CNTNAP3B: variants seen among roughly 807,000 people sequenced by gnomAD.
CNTNAP3B encodes contactin associated protein family member 3B.
In CNTNAP3B, 25 loss-of-function variants were observed where a neutral mutation model predicts 108.9. The observed-to-expected ratio is 0.23, with a 90% CI of 0.17 to 0.32. CNTNAP3B has a LOEUF of 0.32. Among genes scored for constraint, CNTNAP3B ranks in the 10% least tolerant of loss-of-function variants. The probability of loss-of-function intolerance (pLI) is 1.00; values close to 1 mark genes in which losing one functional copy is unlikely to be tolerated. For synonymous variants in CNTNAP3B, 103 were observed against 473.4 expected (o/e 0.22, Z 10.16); for missense variants, 252 against 1,210.4 (o/e 0.21, Z 11.75).
chr9:41,965,702 C>G (rs1331179448), intron 10 of CNTNAP3B, among the ~76,000 whole-genome samples: 1 of 152,096 alleles, frequency 6.6e-6, no homozygotes, highest in African/African-American at 2.4e-5. Flanking sequence ...GTGCCCCTCA[C>G]CATGGGACCC....
chr9:41,965,164 T>A (rs1181469177), intron 10 of CNTNAP3B, among the ~76,000 whole-genome samples: 1 of 152,298 alleles, frequency 6.6e-6, no homozygotes, highest in Middle Eastern at 3.2e-3. Context: ...TTTTAAGCAA[T>A]CTTAACACTG....
chr9:42,026,786 C>T (rs1479682095), intron 3 of CNTNAP3B, among the ~76,000 whole-genome samples: 1 of 136,602 alleles, frequency 7.3e-6, no homozygotes, highest in Non-Finnish European at 1.6e-5. Context: ...CTGTATTACA[C>T]ATTTTGCTCA....
At chr9:41,928,329 C>T (rs1169502243) in intron 15 of CNTNAP3B, among the ~76,000 whole-genome samples, 17 of 152,014 alleles carry the variant, frequency 1.1e-4, no homozygotes, top group Non-Finnish European at 2.4e-4. Context: ...ATCCATTGGC[C>T]CAGGTGGATG....
intron 10 of CNTNAP3B, among the ~76,000 whole-genome samples, chr9:41,967,729 T>C (rs1445290286): frequency 6.6e-6 from 1 of 152,286 alleles, no homozygotes; most frequent in Non-Finnish European, 1.5e-5. Flanking sequence ...ATTTTATTGC[T>C]TTATAAAATT....
chr9:42,127,554 C>T (rs1326729570), intron 1 of CNTNAP3B, among the ~76,000 whole-genome samples: 2 of 139,404 alleles, frequency 1.4e-5, no homozygotes, highest in East Asian at 4.3e-4. Flanking sequence ...CTCTAGCATG[C>T]CTTTCTATAA....
At position 42,108,167 on chromosome 9, in the gene CNTNAP3B, G is replaced by A. The variant is rs573106784; in HGVS notation, c.86-3428C>T. ...GTGGGCACCCCACAAGTGTTACAGG[G>A]GCTGGATCTCCCTCTTCCTCAGCTT... On this transcript the variant is annotated intron_variant, in intron 1 of 23. Transcript: ENST00000377561. Among the ~76,000 whole-genome samples, 9 of 137,106 alleles carry A rather than the reference G, an allele frequency of 6.6e-5. 2 individuals carry two copies. The highest frequency in any genetic ancestry group is 2.0e-4 in the African/African-American group (7 of 34,338). The allele number at this position is 137,106 out of a possible 152,430, so 89.9% of individuals were successfully genotyped here. A position where few individuals can be genotyped will look rare whatever the true frequency, so the allele number is the denominator to read the frequency against.
intron 1 of CNTNAP3B, among the ~76,000 whole-genome samples, chr9:42,113,928 T>C (rs1587282497): frequency 7.3e-6 from 1 of 137,628 alleles, no homozygotes; most frequent in African/African-American, 2.9e-5. Flanking sequence ...ACACCTACTA[T>C]GCAACCACAA....
chr9:42,002,552 T>C (rs1587192147), intron 4 of CNTNAP3B, among the ~76,000 whole-genome samples: 1 of 105,860 alleles, frequency 9.4e-6, no homozygotes, highest in South Asian at 3.0e-4. Flanking sequence ...GAAGTAATTT[T>C]GCTAAAATGT....
At chr9:42,059,985 T>A (rs538328665) in intron 3 of CNTNAP3B, among the ~76,000 whole-genome samples, 1 of 151,072 alleles carries the variant, frequency 6.6e-6, no homozygotes, top group Non-Finnish European at 1.5e-5. Context: ...ACAATTTAAA[T>A]TCTGTTTTCT....
rs554190060 is a variant in CNTNAP3B, at chr9:42,075,401, C to G, written c.390+1468G>C. Among the ~76,000 whole-genome samples the G allele has an allele frequency of 5.6e-4, 72 of 129,124 alleles. 2 individuals are homozygous for G. The highest frequency in any genetic ancestry group is 1.3e-3 in the East Asian group (5 of 3,968). 84.7% of individuals were successfully genotyped at this position (129,124 alleles called of 152,430 possible). A position where few individuals can be genotyped will look rare whatever the true frequency, so the allele number is the denominator to read the frequency against. On this transcript the variant is annotated intron_variant, in intron 3 of 23. Coordinates refer to ENST00000377561, the MANE Select transcript of CNTNAP3B (RefSeq NM_001201380.3). ...TTTGAAAGGAAGCTCACACTGTGAG[C>G]GGGCACCAGGAAAGTAAATCACTTG...
intron 1 of CNTNAP3B, among the ~76,000 whole-genome samples, chr9:42,113,908 A>G (rs1424669529): frequency 1.4e-5 from 2 of 139,002 alleles, no homozygotes; most frequent in East Asian, 2.2e-4. Context: ...CATGTAGACC[A>G]TCGATATATA....
intron 9 of CNTNAP3B, among the ~76,000 whole-genome samples, chr9:41,977,764 C>A (rs1355367386): frequency 1.7e-5 from 2 of 119,566 alleles, no homozygotes; most frequent in African/African-American, 6.9e-5. Flanking sequence ...GGACTACAGG[C>A]GCCCACCACC....
At chr9:41,941,823 G>A (rs1444607053) in intron 13 of CNTNAP3B, among the ~76,000 whole-genome samples, 3 of 151,264 alleles carry the variant, frequency 2.0e-5, no homozygotes, top group African/African-American at 7.3e-5. Flanking sequence ...CTCCTAGAGT[G>A]GGGGATACGC....
chr9:41,943,487 G>T (rs1456769538), intron 13 of CNTNAP3B, among the ~76,000 whole-genome samples: 2 of 151,858 alleles, frequency 1.3e-5, no homozygotes, highest in African/African-American at 2.4e-5. Flanking sequence ...CGAGTAGCTG[G>T]GACTACAGGC....
In CNTNAP3B at chr9:41,929,245, G is replaced by A; in HGVS notation, c.2365+72C>T. ...ACTATTCTCTTTCTGGCAAGAACAAGGGCATTTGTCTACCCCTTTATAACC... is the reference window on the plus strand; with the variant it reads ...ACTATTCTCTTTCTGGCAAGAACAAAGGCATTTGTCTACCCCTTTATAACC... On this transcript the variant is annotated intron_variant, in intron 15 of 23. Transcript: ENST00000377561. 3 of 1,443,612 alleles carry A rather than the reference G, an allele frequency of 2.1e-6. 1 individual carries two copies. The highest frequency in any genetic ancestry group is 1.4e-5 in the South Asian group (1 of 69,936). 89.4% of individuals were successfully genotyped at this position (1,443,612 alleles called of 1,614,324 possible).
At chr9:41,943,507 C>A (rs1237050103) in intron 13 of CNTNAP3B, among the ~76,000 whole-genome samples, 1 of 152,002 alleles carries the variant, frequency 6.6e-6, no homozygotes, top group African/African-American at 2.4e-5. Flanking sequence ...CGCCTGCCAC[C>A]ACGCCCAGCT....
chr9:42,053,650 G>A (rs1230233316), intron 3 of CNTNAP3B, among the ~76,000 whole-genome samples: 3 of 141,702 alleles, frequency 2.1e-5, no homozygotes, highest in African/African-American at 5.5e-5. Context: ...GATGACAAAC[G>A]TTTGGGGGTG....
chr9:41,945,346 G>C, intron 13 of CNTNAP3B, among the ~76,000 whole-genome samples: 1 of 152,422 alleles, frequency 6.6e-6, no homozygotes, highest in East Asian at 1.9e-4. Flanking sequence ...ATTCACAATA[G>C]CAAAGACTTG....
chr9:42,087,579 A>G lies in CNTNAP3B; in HGVS notation c.197-10517T>C, dbSNP rs1398841305. Among the ~76,000 whole-genome samples, 2 of 144,980 alleles carry G rather than the reference A, an allele frequency of 1.4e-5. 1 individual carries two copies. Among genetic ancestry groups the G allele is most frequent in the Non-Finnish European group, 3.0e-5 (2 of 66,100 alleles). ...AGGGGCAAAGGAGACAGATACAAAT[A>G]TGCTGAAACTCATGTTGTTGTTTGT... is the stretch of plus-strand genomic sequence containing the variant. On this transcript the variant is annotated intron_variant, in intron 2 of 23. Transcript: ENST00000377561.
Sources: gnomAD v4.1 joint callset for allele counts (sites outside exome capture counted in the v4.1 genomes callset) on GRCh38, gnomAD v4.1.1 for gene constraint, MANE v1.5 for transcripts, NCBI Gene and HGNC (gene_info 2026-07-23, HGNC 2026-07-21) for gene names.